Variants in NTN1 observed in about 807,000 individuals in gnomAD.
NTN1 encodes the protein netrin 1.
A neutral mutation model predicts 54.2 loss-of-function variants in NTN1; 11 were observed. The ratio of observed to expected loss-of-function variants is 0.20; its 90% CI spans 0.13 to 0.34. NTN1 has a LOEUF of 0.34. Among genes scored for constraint, NTN1 ranks in the 10% least tolerant of loss-of-function variants. The pLI is 1.00. For synonymous variants in NTN1, 371 were observed against 382.0 expected, an observed-to-expected ratio of 0.97 and a Z score of 0.33; for missense variants, 740 against 893.1, an observed-to-expected ratio of 0.83 and a Z score of 2.18.
At chr17:9,149,749 A>G (rs1235987981) in intron 2 of NTN1, among the ~76,000 whole-genome samples, 1 of 152,086 alleles carries the variant, frequency 6.6e-6, no homozygotes, top group African/African-American at 2.4e-5. Flanking sequence ...GGATGGGGTG[A>G]GGTTTCATGC....
At chr17:9,056,166 C>T (rs2091978825) in intron 2 of NTN1, among the ~76,000 whole-genome samples, 3 of 152,170 alleles carry the variant, frequency 2.0e-5, no homozygotes, top group Non-Finnish European at 2.9e-5. Flanking sequence ...AAGCAATTCT[C>T]CTGCCTCAGC....
the NTN1 span, among the ~76,000 whole-genome samples, chr17:9,009,785 T>TC: frequency 1.3e-5 from 2 of 152,154 alleles, no homozygotes; most frequent in African/African-American, 2.4e-5. Context: ...ATGACTTTTT[T>TC]CCCCCGCCTA....
At chr17:9,007,317 CCTTT>C in the NTN1 span, among the ~76,000 whole-genome samples, 6 of 135,732 alleles carry the variant, frequency 4.4e-5, no homozygotes, top group East Asian at 4.2e-4. Context: ...CCCTTCTTTT[CCTTT>C]CTTTCTTCCT....
At chr17:9,081,854 C>A (rs1157120825) in intron 2 of NTN1, among the ~76,000 whole-genome samples, 1 of 152,176 alleles carries the variant, frequency 6.6e-6, no homozygotes, top group East Asian at 1.9e-4. Flanking sequence ...TTTAAAAATT[C>A]ACTTTTAACC....
At chr17:9,015,546 A>G in the NTN1 span, among the ~76,000 whole-genome samples, 1 of 152,042 alleles carries the variant, frequency 6.6e-6, no homozygotes, top group South Asian at 2.1e-4. Context: ...CACAAACATT[A>G]GCCTGTGCCA....
chr17:9,112,299 C>T lies in NTN1; in HGVS notation c.1019-50514C>T, dbSNP rs374656212. On this transcript the variant is annotated intron_variant, in intron 2 of 6. Coordinates refer to ENST00000173229, the MANE Select transcript of NTN1 (RefSeq NM_004822.3). ...TATGGAATCCACAAATAATGAGGTT[C>T]AGCAATACTATTCCTTTCCTTCACC... 1.9e-4 allele frequency among the ~76,000 whole-genome samples: 29 copies of T among 152,320 alleles called. No individual in the cohort carries two copies. The South Asian group carries it at 5.6e-3, about 29-fold the overall frequency.
intron 5 of NTN1, among the ~76,000 whole-genome samples, chr17:9,204,235 TC>T (rs1411596890): frequency 1.5e-5 from 2 of 131,652 alleles, no homozygotes; most frequent in Non-Finnish European, 3.1e-5. Context: ...CTTTCTCTTC[TC>T]TTCCTCTGTT....
At chr17:9,139,899 TCATC>T (rs1249129931) in intron 2 of NTN1, among the ~76,000 whole-genome samples, 1 of 142,792 alleles carries the variant, frequency 7.0e-6, no homozygotes, top group African/African-American at 2.9e-5. Flanking sequence ...ATTCATCCAT[TCATC>T]CATCATCCAT....
chr17:9,154,569 A>G (rs2142291780), intron 2 of NTN1, among the ~76,000 whole-genome samples: 1 of 152,246 alleles, frequency 6.6e-6, no homozygotes, highest in Admixed American at 6.5e-5. Context: ...AATGATCCCC[A>G]GGTGTGGGCG....
the NTN1 span, among the ~76,000 whole-genome samples, chr17:9,012,215 C>G: frequency 6.6e-6 from 1 of 151,950 alleles, no homozygotes; most frequent in Non-Finnish European, 1.5e-5. Context: ...CATCTCATTA[C>G]TTAAACAAGC....
At chr17:9,166,230 C>T (rs534450937) in intron 3 of NTN1, among the ~76,000 whole-genome samples, 33 of 139,980 alleles carry the variant, frequency 2.4e-4, no homozygotes, top group Non-Finnish European at 4.7e-4. Context: ...CCTTGTATTC[C>T]CAGGGCCAGA....
At chr17:9,213,516 CTG>C (rs1905156045) in intron 5 of NTN1, among the ~76,000 whole-genome samples, 1 of 152,172 alleles carries the variant, frequency 6.6e-6, no homozygotes, top group Non-Finnish European at 1.5e-5. Context: ...GGATGGGAAA[CTG>C]TGGGGCATAA....
At chr17:9,121,584 G>A (rs1006850465) in intron 2 of NTN1, among the ~76,000 whole-genome samples, 4 of 152,082 alleles carry the variant, frequency 2.6e-5, no homozygotes, top group Non-Finnish European at 5.9e-5. Flanking sequence ...CAGAGGCCCC[G>A]CTGCCTCTCC....
chr17:9,225,126 G>A (rs572828570), intron 6 of NTN1, among the ~76,000 whole-genome samples: 1 of 152,238 alleles, frequency 6.6e-6, no homozygotes, highest in South Asian at 2.1e-4. Flanking sequence ...GCTGGGTGTG[G>A]TGGTGTGCAC....
rs997121716 is a variant in NTN1, at chr17:9,205,994, T to G, written c.1412-15174T>G. 2.0e-5 allele frequency among the ~76,000 whole-genome samples: 3 copies of G among 152,326 alleles called. No individual in the cohort carries two copies. The East Asian group carries it at 5.8e-4, about 29-fold the overall frequency. ...TGCCGCAGACGGGCTGAGCTCCAAC[T>G]GGGGCATGCCTCTGAGGCTGAGGCA... On this transcript the variant is annotated intron_variant, in intron 5 of 6. Transcript: ENST00000173229.
chr17:9,191,183 G>A (rs1014456240), intron 5 of NTN1, among the ~76,000 whole-genome samples: 12 of 152,010 alleles, frequency 7.9e-5, no homozygotes, highest in South Asian at 2.1e-4. Flanking sequence ...AAGCGGAGCC[G>A]GGCGTGGTGG....
At chr17:9,026,437 C>T (rs71371880) in intron 2 of NTN1, among the ~76,000 whole-genome samples, 13,927 of 150,668 alleles carry the variant, frequency 0.092, 837 homozygotes, top group Admixed American at 0.14. Context: ...AAAGACAAGA[C>T]GATGTATAAT....
At position 9,024,649 on chromosome 17, in the gene NTN1, G is replaced by A. The variant is rs564381130; in HGVS notation, c.1018+1258G>A. ...ATGCAGAGTTTTGAGCAAGGGAATG[G>A]AAAACATGTCTTGGAGGGCCGGATC... On this transcript the variant is annotated intron_variant, in intron 2 of 6. Transcript: ENST00000173229. Among the ~76,000 whole-genome samples the A allele has an allele frequency of 2.5e-3, 388 of 152,336 alleles. 2 individuals carry two copies. The highest frequency in any genetic ancestry group is 8.9e-3 in the African/African-American group (368 of 41,580).
At chr17:9,019,731 G>T (rs2091839654), upstream of NTN1, among the ~76,000 whole-genome samples, 1 of 152,216 alleles carries the variant, frequency 6.6e-6, no homozygotes, top group Admixed American at 6.5e-5. Context: ...GCTCCGAAGC[G>T]TTTCCTCCTA....
Sources: gnomAD v4.1 joint callset for allele counts (sites outside exome capture counted in the v4.1 genomes callset) on GRCh38, gnomAD v4.1.1 for gene constraint, MANE v1.5 for transcripts, NCBI Gene and HGNC (gene_info 2026-07-23, HGNC 2026-07-21) for gene names.